The following ABCE1 variants were observed in gnomAD, a reference collection of about 807,000 sequenced individuals.
ABCE1 encodes the protein ATP-binding cassette sub-family E member 1.
Under a neutral mutation model 83.4 loss-of-function variants are expected in ABCE1, and 22 were observed. The observed-to-expected ratio is 0.26, with a 90% confidence interval of 0.19 to 0.38. The LOEUF (loss-of-function observed/expected upper bound fraction) is 0.38. Among genes scored for constraint, ABCE1 ranks in the 10% least tolerant of loss-of-function variants. The probability of loss-of-function intolerance (pLI) is 1.00; values close to 1 mark genes in which losing one functional copy is unlikely to be tolerated. For missense variants in ABCE1, 330 were observed against 721.9 expected (o/e 0.46, Z 6.22); for synonymous variants, 204 against 233.7 (o/e 0.87, Z 1.16).
chr4:145,113,859 C>A (rs1457029510), intron 9 of ABCE1, among the ~76,000 whole-genome samples: 1 of 151,966 alleles, frequency 6.6e-6, no homozygotes, highest in Non-Finnish European at 1.5e-5. Flanking sequence ...GAAACCAGAT[C>A]TTAGGAAGTT....
intron 4 of ABCE1, among the ~76,000 whole-genome samples, chr4:145,108,454 A>G (rs1388633861): frequency 6.6e-6 from 1 of 152,084 alleles, no homozygotes; most frequent in East Asian, 1.9e-4. Context: ...CTTATCCCCA[A>G]AATAACTTTT....
At chr4:145,112,364 G>T (rs1480292827) in intron 9 of ABCE1, 36 bp downstream of exon 9, 2 of 1,384,032 alleles carry the variant, frequency 1.4e-6, no homozygotes, top group South Asian at 1.3e-5. Context: ...GTGTTGTTTT[G>T]TTTGGAGATT....
chr4:145,103,155 G>A (rs748058944), intron 1 of ABCE1, among the ~76,000 whole-genome samples: 11 of 152,092 alleles, frequency 7.2e-5, no homozygotes, highest in Admixed American at 2.0e-4. Flanking sequence ...GGACAGCGTC[G>A]AGGAGCAAGA....
At position 145,111,197 on chromosome 4, in the gene ABCE1, T is replaced by C. The variant is rs1026286616; in HGVS notation, c.710+133T>C. On this transcript the variant is annotated intron_variant, in intron 8 of 17. Coordinates refer to ENST00000296577, the MANE Select transcript of ABCE1 (RefSeq NM_002940.3). ...CTAAGTTCCTAATTTCGAGGTAAGA[T>C]GTTGAAGCAGTTGTGTATCCACTAC... 3 of 568,148 alleles carry C rather than the reference T, an allele frequency of 5.3e-6. No homozygotes were observed. The African/African-American group carries it at 5.7e-5, about 11-fold the overall frequency. The allele number at this position is 568,148 out of a possible 1,614,324, so 35.2% of individuals were successfully genotyped here.
chr4:145,102,375 A>C (rs999866672), intron 1 of ABCE1, among the ~76,000 whole-genome samples: 1 of 152,224 alleles, frequency 6.6e-6, no homozygotes, highest in Non-Finnish European at 1.5e-5. Context: ...AGAATGCCTG[A>C]ATGCTGATAA....
In ABCE1 at chr4:145,121,045, C is replaced by T. The variant is rs1749728724; in HGVS notation, c.1145-129C>T. On this transcript the variant is annotated intron_variant, in intron 11 of 17. Transcript: ENST00000296577. ...AGACTTAAGTATTTTTCTATATAAA[C>T]TTCAGAATTCAATAATGTCAGTGTA... 5 of 824,560 alleles carry T rather than the reference C, an allele frequency of 6.1e-6. No homozygotes were observed. In the Admixed American group the frequency reaches 7.1e-5, roughly 12 times the overall value. 51.1% of individuals were successfully genotyped at this position (824,560 alleles called of 1,614,324 possible). A position where few individuals can be genotyped will look rare whatever the true frequency, so the allele number is the denominator to read the frequency against.
intron 9 of ABCE1, among the ~76,000 whole-genome samples, chr4:145,114,056 G>A (rs1241201452): frequency 6.6e-6 from 1 of 152,130 alleles, no homozygotes; most frequent in Non-Finnish European, 1.5e-5. Flanking sequence ...AGGAGCACAA[G>A]TTCTACAGAT....
chr4:145,111,099 C>T (rs1052026830), intron 8 of ABCE1, 35 bp downstream of exon 8: 1 of 1,453,590 alleles, frequency 6.9e-7, no homozygotes. Flanking sequence ...TATCTTCATC[C>T]GTATTGTAGA....
At position 145,110,237 on chromosome 4, in the gene ABCE1, A is replaced by C; in HGVS notation, c.540A>C (p.Ala180=). The change falls in exon 6 of 18, where the codon GCA becomes GCC. Residue 180 remains alanine (A), a synonymous_variant. Coordinates refer to ENST00000296577, the MANE Select transcript of ABCE1 (RefSeq NM_002940.3). ...ATGTAGACCAGATTCCTAAGGCTGC[A>C]AAGGTCGGTTTTTGATAGAGGGAAC... is the stretch of plus-strand genomic sequence containing the variant. ...PQYVDQIPKA[A]KGTVGSILDR... is the part of the protein sequence containing the mutation. The C allele has an allele frequency of 6.3e-7, 1 of 1,599,272 alleles. No individual in the cohort carries two copies. The highest frequency in any genetic ancestry group is 8.5e-7 in the Non-Finnish European group (1 of 1,176,232).
intron 1 of ABCE1, among the ~76,000 whole-genome samples, chr4:145,101,067 A>T (rs988588177): frequency 6.6e-5 from 10 of 150,460 alleles, no homozygotes; most frequent in South Asian, 2.1e-4. Context: ...AGATATATAT[A>T]AAAAAAATAT....
chr4:145,119,429 G>A (rs1749683855), intron 10 of ABCE1, among the ~76,000 whole-genome samples: 2 of 151,756 alleles, frequency 1.3e-5, no homozygotes, highest in African/African-American at 2.4e-5. Flanking sequence ...ATGTTAACTG[G>A]AATTAGCTCA....
At chr4:145,121,258 T>C (rs1414309559) in intron 12 of ABCE1, 25 bp downstream of exon 12, 2 of 1,613,280 alleles carry the variant, frequency 1.2e-6, no homozygotes, top group Non-Finnish European at 1.7e-6. Context: ...GTTGAGTCTT[T>C]TTACTCTGTT....
chr4:145,107,547 G>A (rs1749344099), intron 3 of ABCE1, among the ~76,000 whole-genome samples: 1 of 152,240 alleles, frequency 6.6e-6, no homozygotes, highest in South Asian at 2.1e-4. Context: ...CTCTTTAAAT[G>A]TATAGGATTA....
At chr4:145,103,988 A>G (rs1001274770) in intron 1 of ABCE1, among the ~76,000 whole-genome samples, 1 of 152,044 alleles carries the variant, frequency 6.6e-6, no homozygotes, top group Non-Finnish European at 1.5e-5. Context: ...GGAAGGGTTT[A>G]AATCTGTGAT....
At chr4:145,098,991 C>G (rs926021163) in intron 1 of ABCE1, among the ~76,000 whole-genome samples, 2 of 152,210 alleles carry the variant, frequency 1.3e-5, no homozygotes, top group African/African-American at 2.4e-5. Context: ...GTGTACGCAG[C>G]TATGACTGGG....
Position 145,121,029 on chromosome 4 carries a change from T to A in ABCE1, c.1145-145T>A, listed in dbSNP as rs1749728226. Reference sequence around the variant, plus strand: ...AGAGGTGAGCCATGAAAGACTTAAGTATTTTTCTATATAAACTTCAGAATT... The same window carrying A: ...AGAGGTGAGCCATGAAAGACTTAAGAATTTTTCTATATAAACTTCAGAATT... On this transcript the variant is annotated intron_variant, in intron 11 of 17. Coordinates refer to ENST00000296577, the MANE Select transcript of ABCE1 (RefSeq NM_002940.3). 6 of 717,692 alleles carry A rather than the reference T, an allele frequency of 8.4e-6. No homozygotes were observed. In the Admixed American group the frequency reaches 1.6e-4, roughly 19 times the overall value. The allele number at this position is 717,692 out of a possible 1,614,324, so 44.5% of individuals were successfully genotyped here. A position where few individuals can be genotyped will look rare whatever the true frequency, so the allele number is the denominator to read the frequency against.
At chr4:145,112,955 G>GT (rs1749520977) in intron 9 of ABCE1, among the ~76,000 whole-genome samples, 1 of 152,020 alleles carries the variant, frequency 6.6e-6, no homozygotes, top group South Asian at 2.1e-4. Flanking sequence ...GACCCCAGGG[G>GT]TTTTTTTCTG....
chr4:145,105,790 T>C (rs543513868), intron 3 of ABCE1, 100 bp downstream of exon 3: 28 of 624,022 alleles, frequency 4.5e-5, no homozygotes, highest in Non-Finnish European at 5.6e-5. Context: ...AGGCAAAGTA[T>C]AAAGCAAATG....
rs1443166918 is a variant in ABCE1, at chr4:145,123,141, C to T, written c.1374+10C>T. 3 of 1,580,010 alleles carry T rather than the reference C, an allele frequency of 1.9e-6. No individual in the cohort carries two copies. The highest frequency in any genetic ancestry group is 2.8e-5 in the African/African-American group (2 of 72,590). On this transcript the variant is annotated intron_variant, in intron 14 of 17. Transcript: ENST00000296577. The stretch of plus-strand genomic sequence containing the variant: ...CATCATTGATCAAGAGGTACTTTAA[C>T]ATAATTTTTTTTATTTTTTTATTAT...
Sources: gnomAD v4.1 joint callset for allele counts (sites outside exome capture counted in the v4.1 genomes callset) on GRCh38, gnomAD v4.1.1 for gene constraint, MANE v1.5 for transcripts, NCBI Gene and HGNC (gene_info 2026-07-23, HGNC 2026-07-21) for gene names.